Variants in LGSN observed in about 807,000 individuals in gnomAD.
LGSN encodes the protein lengsin.
A neutral mutation model predicts 19.5 loss-of-function variants in LGSN; 21 were observed. The observed-to-expected ratio is 1.07, with a 90% confidence interval of 0.76 to 1.55. The LOEUF (loss-of-function observed/expected upper bound fraction) is 1.55, where lower values mean the gene tolerates loss of function less well. Among genes scored for constraint, LGSN ranks in the 40% most tolerant of loss-of-function variants. The probability of loss-of-function intolerance (pLI) is 0.00; values close to 1 mark genes in which losing one functional copy is unlikely to be tolerated. For synonymous variants in LGSN, 257 were observed against 215.6 expected, an observed-to-expected ratio of 1.19 and a Z score of -1.68; for missense variants, 673 against 608.5, an observed-to-expected ratio of 1.11 and a Z score of -1.12.
the LGSN span, among the ~76,000 whole-genome samples, chr6:63,344,227 A>G: frequency 1.3e-5 from 2 of 152,216 alleles, no homozygotes; most frequent in African/African-American, 4.8e-5. Context: ...GAAAATGAAT[A>G]CAGTGATAAA....
chr6:63,332,511 C>T, the LGSN span, among the ~76,000 whole-genome samples: 1 of 152,108 alleles, frequency 6.6e-6, no homozygotes, highest in Non-Finnish European at 1.5e-5. Flanking sequence ...CTCGGCTCAG[C>T]CCAGAAGTAA....
chr6:63,314,308 T>C (rs971992333), intron 1 of LGSN, among the ~76,000 whole-genome samples: 1 of 152,166 alleles, frequency 6.6e-6, no homozygotes, highest in African/African-American at 2.4e-5. Flanking sequence ...GATACAAGAA[T>C]ATGTACATCT....
At chr6:63,347,377 G>A in the LGSN span, among the ~76,000 whole-genome samples, 34 of 152,220 alleles carry the variant, frequency 2.2e-4, no homozygotes, top group African/African-American at 7.5e-4. Context: ...GGGGGAAATT[G>A]ACATTTTTAC....
chr6:63,376,221 G>T, the LGSN span, among the ~76,000 whole-genome samples: 11 of 152,198 alleles, frequency 7.2e-5, no homozygotes, highest in African/African-American at 2.6e-4. Flanking sequence ...CAAAGGCAGA[G>T]AAAAAGCTTT....
chr6:63,471,664 C>CAA, the LGSN span, among the ~76,000 whole-genome samples: 968 of 123,494 alleles, frequency 7.8e-3, 7 homozygotes, highest in African/African-American at 0.025. Context: ...AAGACTCTGT[C>CAA]AAAAAAAAAA....
chr6:63,535,973 G>A, the LGSN span, among the ~76,000 whole-genome samples: 2 of 152,026 alleles, frequency 1.3e-5, no homozygotes, highest in Non-Finnish European at 2.9e-5. Flanking sequence ...GTGTTTCACT[G>A]TGTTGGCCAG....
intron 3 of LGSN, among the ~76,000 whole-genome samples, chr6:63,282,055 A>G (rs1397436802): frequency 2.6e-5 from 4 of 152,174 alleles, no homozygotes; most frequent in Non-Finnish European, 5.9e-5. Flanking sequence ...AGACTAGATG[A>G]CTGCTAAGGT....
the LGSN span, among the ~76,000 whole-genome samples, chr6:63,448,497 G>T: frequency 6.6e-6 from 1 of 151,740 alleles, no homozygotes; most frequent in Non-Finnish European, 1.5e-5. Flanking sequence ...ATCACGGAGG[G>T]TGTCTCAGGG....
chr6:63,524,929 G>A, the LGSN span, among the ~76,000 whole-genome samples: 11 of 152,254 alleles, frequency 7.2e-5, no homozygotes, highest in South Asian at 2.3e-3. Flanking sequence ...CTTCATATAA[G>A]CATTTTTTAT....
the LGSN span, among the ~76,000 whole-genome samples, chr6:63,521,219 TAAAGTA>T: frequency 6.7e-6 from 1 of 149,506 alleles, no homozygotes; most frequent in African/African-American, 2.5e-5. Context: ...GCCCAAAACT[TAAAGTA>T]AAATAAAAGA....
At chr6:63,437,071 G>A in the LGSN span, among the ~76,000 whole-genome samples, 1 of 140,998 alleles carries the variant, frequency 7.1e-6, no homozygotes, top group South Asian at 2.4e-4. Flanking sequence ...GGAAGGGAAG[G>A]GGAGGGGAGG....
In LGSN at chr6:63,294,923, G is replaced by A. The variant is rs1767917938; in HGVS notation, c.153C>T (p.Ser51=). The A allele has an allele frequency of 6.2e-7, 1 of 1,613,590 alleles. No homozygotes were observed. The highest frequency in any genetic ancestry group is 1.3e-5 in the African/African-American group (1 of 74,860). Residue 51 remains serine, a synonymous_variant, in exon 2 of 4, where the codon TCC becomes TCT. Coordinates refer to ENST00000370657, the MANE Select transcript of LGSN (RefSeq NM_016571.3). Reference sequence around the variant, plus strand: ...AGAGTAGTTAGATACCATTTGAATTGGACATATCCGTTTCTCCCACTTCAG... The same window carrying A: ...AGAGTAGTTAGATACCATTTGAATTAGACATATCCGTTTCTCCCACTTCAG... ...CSTEVGETDM[S]NSNDCMRDSS...
intron 1 of LGSN, among the ~76,000 whole-genome samples, chr6:63,302,571 T>C (rs1021088143): frequency 1.3e-5 from 2 of 152,152 alleles, no homozygotes; most frequent in African/African-American, 2.4e-5. Context: ...CAAGAACTAA[T>C]TGAATACCAA....
the LGSN span, among the ~76,000 whole-genome samples, chr6:63,429,539 G>A: frequency 2.6e-5 from 4 of 151,998 alleles, no homozygotes; most frequent in African/African-American, 4.8e-5. Flanking sequence ...AGTTCGAGAC[G>A]AGCCTGGCCA....
chr6:63,342,365 G>T, the LGSN span, among the ~76,000 whole-genome samples: 1 of 152,170 alleles, frequency 6.6e-6, no homozygotes, highest in African/African-American at 2.4e-5. Flanking sequence ...TTTTTAACTT[G>T]AAATGTTATT....
chr6:63,501,362 C>CAAAA, the LGSN span, among the ~76,000 whole-genome samples: 1 of 133,928 alleles, frequency 7.5e-6, no homozygotes, highest in Non-Finnish European at 1.6e-5. Flanking sequence ...AACTTCGTCT[C>CAAAA]AAAAAAAAAA....
chr6:63,448,462 G>A, the LGSN span, among the ~76,000 whole-genome samples: 3 of 151,840 alleles, frequency 2.0e-5, no homozygotes, highest in African/African-American at 7.2e-5. Flanking sequence ...CATTTCAAAC[G>A]AAATCTATGA....
the LGSN span, among the ~76,000 whole-genome samples, chr6:63,329,101 C>T: frequency 2.0e-5 from 3 of 152,210 alleles, no homozygotes; most frequent in Non-Finnish European, 4.4e-5. Flanking sequence ...GAATAGCCTG[C>T]TGGCACGAGG....
chr6:63,350,013 A>G, the LGSN span, among the ~76,000 whole-genome samples: 1 of 152,244 alleles, frequency 6.6e-6, no homozygotes, highest in Non-Finnish European at 1.5e-5. Context: ...AGAATGTTTG[A>G]TTATTTGAAA....
Sources: allele counts gnomAD v4.1 joint callset (sites outside exome capture counted in the v4.1 genomes callset), GRCh38; gene constraint gnomAD v4.1.1; transcripts MANE v1.5; gene names NCBI Gene and HGNC (gene_info 2026-07-23, HGNC 2026-07-21).